The following PALM2AKAP2 variants were observed in gnomAD, a reference collection of about 807,000 sequenced individuals.
The protein encoded by PALM2AKAP2 is PALM2-AKAP2 fusion protein.
A neutral mutation model predicts 71.5 loss-of-function variants in PALM2AKAP2; 37 were observed. The observed-to-expected ratio is 0.52, with a 90% CI of 0.40 to 0.68. PALM2AKAP2 has a LOEUF of 0.68. PALM2AKAP2 is among the 30% of genes least tolerant of loss of function. The pLI, the probability that PALM2AKAP2 is intolerant of heterozygous loss-of-function variation, is 0.00. For synonymous variants in PALM2AKAP2, 468 were observed against 478.8 expected (o/e 0.98, Z 0.29); for missense variants, 1,224 against 1,191.8 (o/e 1.03, Z -0.40).
chr9:109,670,041 T>C (rs1827551421), intron 1 of PALM2AKAP2, among the ~76,000 whole-genome samples: 1 of 152,178 alleles, frequency 6.6e-6, no homozygotes, highest in African/African-American at 2.4e-5. Context: ...TACATTTCCT[T>C]TTAAGTACAT....
chr9:109,727,159 T>G (rs1828489046), intron 1 of PALM2AKAP2, among the ~76,000 whole-genome samples: 1 of 152,234 alleles, frequency 6.6e-6, no homozygotes, highest in Non-Finnish European at 1.5e-5. Context: ...TCTTGCTCTC[T>G]GCCTCCCAGC....
intron 1 of PALM2AKAP2, among the ~76,000 whole-genome samples, chr9:109,842,354 CAAAG>C (rs918239367): frequency 1.3e-5 from 2 of 152,154 alleles, no homozygotes; most frequent in African/African-American, 4.8e-5. Flanking sequence ...GGCATGTCCT[CAAAG>C]AAAGAAGGGA....
At chr9:109,861,015 A>C (rs1829291907) in intron 1 of PALM2AKAP2, among the ~76,000 whole-genome samples, 1 of 152,194 alleles carries the variant, frequency 6.6e-6, no homozygotes, top group Admixed American at 6.5e-5. Flanking sequence ...CTCTTGTCTA[A>C]ATTCTGTGAT....
chr9:110,113,241 TTC>T (rs1169782820), intron 1 of PALM2AKAP2, among the ~76,000 whole-genome samples: 113 of 93,824 alleles, frequency 1.2e-3, no homozygotes, highest in African/African-American at 4.4e-3. Context: ...TTTTGTTTTT[TTC>T]TTTTTTTTTT....
intron 1 of PALM2AKAP2, among the ~76,000 whole-genome samples, chr9:109,767,360 C>T (rs1829170470): frequency 6.6e-6 from 1 of 152,176 alleles, no homozygotes; most frequent in African/African-American, 2.4e-5. Context: ...GTCCCTTTTG[C>T]CATTGGAGAT....
At chr9:109,719,702 T>A (rs80329572) in intron 1 of PALM2AKAP2, among the ~76,000 whole-genome samples, 6,458 of 152,206 alleles carry the variant, frequency 0.042, 187 homozygotes, top group Non-Finnish European at 0.053. Context: ...TACATAGAAA[T>A]CAGGGGTAAA....
rs568031634 is a variant in PALM2AKAP2 at position 109,887,871 on chromosome 9, C to G, written c.257+7190C>G. 8.7e-4 allele frequency among the ~76,000 whole-genome samples: 133 copies of G among 152,322 alleles called. 1 individual carries two copies. Among genetic ancestry groups the G allele is most frequent in the Admixed American group, 3.1e-3 (47 of 15,294 alleles). On this transcript the variant is annotated intron_variant, in intron 3 of 9. Coordinates refer to the PALM2AKAP2 transcript ENST00000302798. Reference sequence around the variant, plus strand: ...ACCTCTGATATTGAGTGAAATTACACTAACGTGCACCTCGTGATGTAGGAG... The same window carrying G: ...ACCTCTGATATTGAGTGAAATTACAGTAACGTGCACCTCGTGATGTAGGAG...
At chr9:109,691,604 C>A (rs890051101) in intron 1 of PALM2AKAP2, among the ~76,000 whole-genome samples, 3 of 151,434 alleles carry the variant, frequency 2.0e-5, no homozygotes, top group East Asian at 3.9e-4. Context: ...AATTTCTAGT[C>A]TATGGTCTTC....
chr9:110,050,643 T>G (rs557497743), intron 1 of PALM2AKAP2, among the ~76,000 whole-genome samples: 1 of 151,602 alleles, frequency 6.6e-6, no homozygotes, highest in African/African-American at 2.4e-5. Flanking sequence ...TTCTTTTCTT[T>G]TCTTTCGAAG....
chr9:110,009,586 C>A (rs528782672), intron 6 of PALM2AKAP2, among the ~76,000 whole-genome samples: 2 of 151,894 alleles, frequency 1.3e-5, no homozygotes, highest in African/African-American at 2.4e-5. Flanking sequence ...TGGTAGCGGG[C>A]GCCTGTAGTC....
At chr9:109,873,478 A>G (rs1829653002) in intron 2 of PALM2AKAP2, among the ~76,000 whole-genome samples, 1 of 101,814 alleles carries the variant, frequency 9.8e-6, no homozygotes, top group African/African-American at 3.2e-5. Flanking sequence ...AAAATAAAAT[A>G]AAATAAAATA....
chr9:109,833,123 G>A (rs989314983), intron 1 of PALM2AKAP2, among the ~76,000 whole-genome samples: 9 of 152,112 alleles, frequency 5.9e-5, no homozygotes, highest in African/African-American at 1.7e-4. Flanking sequence ...TTGGGAGGCC[G>A]AGGCAGGTGG....
At chr9:109,703,855 C>A (rs1828102740) in intron 1 of PALM2AKAP2, among the ~76,000 whole-genome samples, 1 of 152,094 alleles carries the variant, frequency 6.6e-6, no homozygotes, top group African/African-American at 2.4e-5. Context: ...TTTATGCAGT[C>A]CTTGGATATA....
intron 1 of PALM2AKAP2, among the ~76,000 whole-genome samples, chr9:109,644,365 T>C (rs1298099614): frequency 6.6e-6 from 1 of 152,206 alleles, no homozygotes; most frequent in Non-Finnish European, 1.5e-5. Context: ...AAATAGGGAC[T>C]CCATTCCCCT....
intron 1 of PALM2AKAP2, among the ~76,000 whole-genome samples, chr9:109,710,465 G>A (rs1828215560): frequency 6.6e-6 from 1 of 152,212 alleles, no homozygotes; most frequent in Non-Finnish European, 1.5e-5. Flanking sequence ...TTGGTAACAG[G>A]AAAAGAATGA....
In PALM2AKAP2 at chr9:110,074,652, C is replaced by T. The variant is rs148688672; in HGVS notation, c.156+25797C>T. Reference sequence around the variant, plus strand: ...CACAAAAAAATTATAAACACACACACGCACATACACATACCATGTAGCATT... The same window carrying T: ...CACAAAAAAATTATAAACACACACATGCACATACACATACCATGTAGCATT... On this transcript the variant is annotated intron_variant, in intron 1 of 3. Coordinates refer to ENST00000374525, the Ensembl canonical transcript of PALM2AKAP2. Among the ~76,000 whole-genome samples the T allele has an allele frequency of 4.2e-3, 641 of 152,290 alleles. 19 individuals are homozygous for T. The highest frequency in any genetic ancestry group is 0.037 in the Admixed American group (566 of 15,296).
At chr9:109,667,977 C>T (rs1827515516) in intron 1 of PALM2AKAP2, among the ~76,000 whole-genome samples, 1 of 15,844 alleles carries the variant, frequency 6.3e-5, no homozygotes, top group Middle Eastern at 0.05. Context: ...CGCTCTGTCG[C>T]CCAGGCTGGA....
chr9:109,646,052 A>G (rs1457138643), intron 1 of PALM2AKAP2, among the ~76,000 whole-genome samples: 6 of 152,204 alleles, frequency 3.9e-5, no homozygotes, highest in Non-Finnish European at 8.8e-5. Flanking sequence ...ACAAGAAAAG[A>G]GGGTACTAAC....
intron 1 of PALM2AKAP2, among the ~76,000 whole-genome samples, chr9:109,819,691 ATG>A (rs113678587): frequency 1.4e-5 from 2 of 145,910 alleles, no homozygotes; most frequent in East Asian, 4.1e-4. Flanking sequence ...AGGCCTAATT[ATG>A]TGTGTGTGTG....
Sources: allele counts gnomAD v4.1 joint callset (sites outside exome capture counted in the v4.1 genomes callset), GRCh38; gene constraint gnomAD v4.1.1; transcripts MANE v1.5; gene names NCBI Gene and HGNC (gene_info 2026-07-23, HGNC 2026-07-21).